Variants in RAPGEF6 observed in about 807,000 individuals in gnomAD.
The protein encoded by RAPGEF6 is Rap guanine nucleotide exchange factor 6.
Under a neutral mutation model 171.4 loss-of-function variants are expected in RAPGEF6, and 56 were observed. The ratio of observed to expected loss-of-function variants is 0.33; its 90% CI spans 0.26 to 0.41. The LOEUF (loss-of-function observed/expected upper bound fraction) is 0.41. RAPGEF6 is among the 10% of genes least tolerant of loss of function. The pLI is 1.00. For synonymous variants in RAPGEF6, 692 were observed against 650.1 expected (o/e 1.06, Z -0.98); for missense variants, 1,674 against 1,921.4 (o/e 0.87, Z 2.41).
At chr5:131,567,520 A>G (rs535184933) in intron 4 of RAPGEF6, among the ~76,000 whole-genome samples, 2 of 152,280 alleles carry the variant, frequency 1.3e-5, no homozygotes, top group Admixed American at 6.5e-5. Flanking sequence ...TTGGTCTATT[A>G]TTCATTTACA....
intron 4 of RAPGEF6, among the ~76,000 whole-genome samples, chr5:131,568,667 C>T (rs1040648760): frequency 1.3e-5 from 2 of 152,114 alleles, no homozygotes; most frequent in Non-Finnish European, 2.9e-5. Flanking sequence ...TTGCAATATG[C>T]TTCAGGAACA....
At position 131,554,196 on chromosome 5, in the gene RAPGEF6, A is replaced by G. The variant is rs141732050; in HGVS notation, c.352-6006T>C. 2.0e-5 allele frequency among the ~76,000 whole-genome samples: 3 copies of G among 152,334 alleles called. No individual in the cohort carries two copies. The East Asian group carries it at 5.8e-4, about 29-fold the overall frequency. ...ATAATTCTCCTCCTAAAGTTGTATT[A>G]ATGGCAAAACAATCCTCCAAGAATG... On this transcript the variant is annotated intron_variant, in intron 5 of 27. Transcript: ENST00000509018.
At chr5:131,634,877 G>A (rs894405826) in intron 1 of RAPGEF6, 85 bp downstream of exon 1, 22 of 1,467,160 alleles carry the variant, frequency 1.5e-5, no homozygotes, top group Non-Finnish European at 1.9e-5. Context: ...ACTCTGGCAA[G>A]AGGGCAGTCG....
rs772403412 is a variant in RAPGEF6 at position 131,492,653 on chromosome 5, A to G, written c.1660T>C (p.Phe554Leu). 3.1e-6 allele frequency: 5 copies of G among 1,614,102 alleles called. No homozygotes were observed. The highest frequency in any genetic ancestry group is 4.2e-6 in the Non-Finnish European group (5 of 1,180,012). Residue 554 changes from phenylalanine to leucine, a missense_variant, in exon 14 of 28, where the codon TTT becomes CTT. By Grantham distance (22) the Phe-to-Leu change is conservative (BLOSUM62 0). Around this residue, in one of 3 missense-constraint regions of RAPGEF6, gnomAD observed 1,116 missense variants for 1,321.5 expected, o/e 0.84. Transcript: ENST00000509018. Reference protein sequence around the residue: ...FSLNGGSEKGFGIFVEGVEPG... With the variant: ...FSLNGGSEKGLGIFVEGVEPG... ...TCTACTCCTTCAACAAAAATACCAA[A>G]TCCCTTCTCACTCCCTCCATTAAGG...
chr5:131,621,319 T>C (rs956634565), intron 1 of RAPGEF6, among the ~76,000 whole-genome samples: 3 of 152,176 alleles, frequency 2.0e-5, no homozygotes, highest in Admixed American at 6.5e-5. Context: ...AGACAGGGTC[T>C]CACTGTGTTG....
At chr5:131,463,571 T>G (rs1322118772) in intron 18 of RAPGEF6, 1 of 458,240 alleles carries the variant, frequency 2.2e-6, no homozygotes, top group Non-Finnish European at 2.6e-6. Context: ...AGAGGGAGAC[T>G]CCATCTCAAA....
chr5:131,467,834 C>G (rs1262943435), intron 17 of RAPGEF6, among the ~76,000 whole-genome samples: 1 of 152,044 alleles, frequency 6.6e-6, no homozygotes, highest in Non-Finnish European at 1.5e-5. Flanking sequence ...GAGATCAAAA[C>G]CAGCCTGGGG....
In RAPGEF6 at chr5:131,425,377, T is replaced by G. The variant is rs912695817; in HGVS notation, c.*1889A>C. 5 of 152,364 alleles carry G rather than the reference T, an allele frequency of 3.3e-5. No homozygotes were observed. The highest frequency in any genetic ancestry group is 5.9e-5 in the Non-Finnish European group (4 of 68,036). The allele number at this position is 152,364 out of a possible 1,614,324, so 9.4% of individuals were successfully genotyped here. A position where few individuals can be genotyped will look rare whatever the true frequency, so the allele number is the denominator to read the frequency against. On this transcript the variant is annotated 3_prime_UTR_variant, in exon 28 of 28. Coordinates refer to ENST00000509018, the MANE Select transcript of RAPGEF6 (RefSeq NM_016340.6). ...AAATATATTTCACATTGTTTTGCTG[T>G]GGCCATGAAAACAAAATTATGCAAA...
intron 7 of RAPGEF6, among the ~76,000 whole-genome samples, chr5:131,510,738 A>G (rs539702468): frequency 2.9e-4 from 44 of 152,360 alleles, no homozygotes; most frequent in African/African-American, 1.0e-3. Context: ...TAAAATGGTC[A>G]GGAGACTCAA....
intron 5 of RAPGEF6, among the ~76,000 whole-genome samples, chr5:131,555,735 G>C (rs1207668800): frequency 7.2e-6 from 1 of 138,498 alleles, no homozygotes; most frequent in Non-Finnish European, 1.5e-5. Flanking sequence ...TATATGTATA[G>C]ATTTATGTAT....
intron 16 of RAPGEF6, among the ~76,000 whole-genome samples, chr5:131,477,408 T>C (rs951100023): frequency 6.6e-6 from 1 of 152,246 alleles, no homozygotes; most frequent in African/African-American, 2.4e-5. Flanking sequence ...AAGCATTTTC[T>C]TGTTGGCACA....
intron 6 of RAPGEF6, among the ~76,000 whole-genome samples, chr5:131,542,825 CTTCAA>C (rs1269793054): frequency 6.6e-6 from 1 of 152,112 alleles, no homozygotes; most frequent in Non-Finnish European, 1.5e-5. Flanking sequence ...CACATGGTTT[CTTCAA>C]GGGTCAGCAA....
chr5:131,627,281 G>C (rs997961096), intron 1 of RAPGEF6, among the ~76,000 whole-genome samples: 2 of 152,088 alleles, frequency 1.3e-5, no homozygotes, highest in Admixed American at 1.3e-4. Flanking sequence ...AAAATTTAGG[G>C]GATAAGTTGG....
chr5:131,585,617 C>T (rs1580626364), intron 4 of RAPGEF6, among the ~76,000 whole-genome samples: 1 of 152,076 alleles, frequency 6.6e-6, no homozygotes, highest in Middle Eastern at 3.4e-3. Context: ...CCTGAGGTCA[C>T]GAGTTCGAGA....
intron 24 of RAPGEF6, chr5:131,435,728 C>G (rs1751969417): frequency 1.5e-5 from 13 of 841,904 alleles, no homozygotes; most frequent in Non-Finnish European, 2.2e-5. Flanking sequence ...ACAGATCCAG[C>G]TAACAGTAGG....
intron 4 of RAPGEF6, among the ~76,000 whole-genome samples, chr5:131,570,925 G>A (rs974474676): frequency 6.0e-5 from 9 of 149,578 alleles, no homozygotes; most frequent in South Asian, 2.1e-4. Context: ...AACTCCCCAC[G>A]TCTTCATCCC....
At chr5:131,556,091 C>G (rs1319547275) in intron 5 of RAPGEF6, among the ~76,000 whole-genome samples, 1 of 151,762 alleles carries the variant, frequency 6.6e-6, no homozygotes, top group Non-Finnish European at 1.5e-5. Flanking sequence ...GAACCATTGT[C>G]ATACATGTGA....
intron 5 of RAPGEF6, among the ~76,000 whole-genome samples, chr5:131,556,018 T>A: frequency 6.6e-6 from 1 of 152,178 alleles, no homozygotes; most frequent in East Asian, 1.9e-4. Flanking sequence ...TAACACAATG[T>A]TAAGTATCTG....
intron 4 of RAPGEF6, among the ~76,000 whole-genome samples, chr5:131,584,982 C>A (rs1763159787): frequency 6.6e-6 from 1 of 151,930 alleles, no homozygotes; most frequent in South Asian, 2.1e-4. Context: ...AACAGGCACA[C>A]AAAATTTAAG....
Sources: gnomAD v4.1 joint callset for allele counts (sites outside exome capture counted in the v4.1 genomes callset) on GRCh38, gnomAD v4.1.1 for gene constraint, gnomAD v4.1.1 regional missense constraint, MANE v1.5 for transcripts, NCBI Gene and HGNC (gene_info 2026-07-23, HGNC 2026-07-21) for gene names.